Variants in ADCY2 observed in about 807,000 individuals in gnomAD.
ADCY2 encodes adenylate cyclase type 2.
In ADCY2, 31 loss-of-function variants were observed where a neutral mutation model predicts 125.2. The ratio of observed to expected loss-of-function variants is 0.25; its 90% CI spans 0.19 to 0.33. The LOEUF (loss-of-function observed/expected upper bound fraction) is 0.33. ADCY2 is among the 10% of genes least tolerant of loss of function. The pLI, the probability that ADCY2 is intolerant of heterozygous loss-of-function variation, is 1.00. For synonymous variants in ADCY2, 512 were observed against 548.4 expected (o/e 0.93, Z 0.93); for missense variants, 904 against 1,418.2 (o/e 0.64, Z 5.82).
intron 11 of ADCY2, among the ~76,000 whole-genome samples, chr5:7,716,478 C>T (rs997414888): frequency 2.6e-5 from 4 of 152,110 alleles, no homozygotes; most frequent in Non-Finnish European, 5.9e-5. Context: ...TCTCAAACAC[C>T]GAGTATATAT....
chr5:7,501,649 C>A (rs564259832), intron 2 of ADCY2, among the ~76,000 whole-genome samples: 1 of 74,650 alleles, frequency 1.3e-5, no homozygotes, highest in Non-Finnish European at 3.3e-5. Flanking sequence ...TCCCCCCTCC[C>A]CCCCCCCCCG....
intron 2 of ADCY2, among the ~76,000 whole-genome samples, chr5:7,482,751 T>C (rs1425916592): frequency 7.8e-6 from 1 of 127,928 alleles, no homozygotes; most frequent in Non-Finnish European, 1.7e-5. Flanking sequence ...AGCTGATGAA[T>C]GGATAAAGAA....
At chr5:7,581,538 G>A (rs2126612623) in intron 3 of ADCY2, among the ~76,000 whole-genome samples, 1 of 152,110 alleles carries the variant, frequency 6.6e-6, no homozygotes, top group South Asian at 2.1e-4. Context: ...AAAGAGAAAC[G>A]GCCAGGTGCG....
At chr5:7,693,711 C>T (rs1212156615) in intron 5 of ADCY2, among the ~76,000 whole-genome samples, 3 of 152,210 alleles carry the variant, frequency 2.0e-5, no homozygotes, top group Admixed American at 2.0e-4. Flanking sequence ...GCGTGAGCCA[C>T]CACGCCCGGC....
At chr5:7,534,268 C>T (rs906842360) in intron 3 of ADCY2, among the ~76,000 whole-genome samples, 4 of 152,204 alleles carry the variant, frequency 2.6e-5, no homozygotes, top group Non-Finnish European at 4.4e-5. Context: ...CACACCCATG[C>T]TGGTGGCTGA....
At position 7,535,937 on chromosome 5, in the gene ADCY2, G is replaced by A. The variant is rs147781818; in HGVS notation, c.570+15038G>A. 1.4e-3 allele frequency among the ~76,000 whole-genome samples: 217 copies of A among 152,336 alleles called. 3 individuals carry two copies. The highest frequency in any genetic ancestry group is 4.7e-3 in the African/African-American group (197 of 41,572). ...CTAACTTTAGCTATTTAACCAGTCAGAGAAGGTCGCCATTTTGATTTCCTA... is the reference window on the plus strand; with the variant it reads ...CTAACTTTAGCTATTTAACCAGTCAAAGAAGGTCGCCATTTTGATTTCCTA... On this transcript the variant is annotated intron_variant, in intron 3 of 24. Coordinates refer to ENST00000338316, the MANE Select transcript of ADCY2 (RefSeq NM_020546.3).
chr5:7,418,685 T>C (rs529600370), intron 2 of ADCY2, among the ~76,000 whole-genome samples: 3 of 125,806 alleles, frequency 2.4e-5, no homozygotes, highest in African/African-American at 9.4e-5. Context: ...AGACTGAATC[T>C]CACTCTGTCA....
rs990442446 is a variant in ADCY2 at position 7,802,882 on chromosome 5, C to T, written c.2775+518C>T. Among the ~76,000 whole-genome samples the T allele has an allele frequency of 1.3e-5, 2 of 152,178 alleles. No homozygotes were observed. Among genetic ancestry groups the T allele is most frequent in the African/African-American group, 2.4e-5 (1 of 41,442 alleles). The stretch of plus-strand genomic sequence containing the variant: ...ATAGATGTTATTTTTCAACTTTCTA[C>T]ATAGAGAATAGTGTGTTCTATTTCC... On this transcript the variant is annotated intron_variant, in intron 21 of 24. Transcript: ENST00000338316. The surrounding 1 kb of genome is among the most constrained non-coding windows in gnomAD (Gnocchi z 4.6).
Position 7,396,471 on chromosome 5 carries a change from C to G in ADCY2, c.175C>G (p.Leu59Val), listed in dbSNP as rs1739043222. 2 of 1,570,382 alleles carry G rather than the reference C, an allele frequency of 1.3e-6. No homozygotes were observed. The highest frequency in any genetic ancestry group is 5.0e-5 in the East Asian group (2 of 39,840). Residue 59 changes from leucine to valine, a missense_variant, in exon 1 of 25, where the codon CTC becomes GTC. By Grantham distance (32) the Leu-to-Val change is conservative. Transcript: ENST00000338316. This position sits in a 1 kb window ranked among gnomAD's most constrained non-coding sequence, Gnocchi z 5.7. ...FLLLIVMGSC[L>V]ALLAVFFALG... ...GCTGCTCATCGTCATGGGCTCCTGC[C>G]TCGCCCTGCTCGCCGTCTTCTTCGC...
At chr5:7,649,727 C>G (rs1739017789) in intron 4 of ADCY2, among the ~76,000 whole-genome samples, 1 of 152,182 alleles carries the variant, frequency 6.6e-6, no homozygotes, top group Non-Finnish European at 1.5e-5. Context: ...CCCCTGAAAT[C>G]CAGACTCAAA....
intron 15 of ADCY2, 100 bp downstream of exon 15, chr5:7,743,852 C>T: frequency 8.9e-7 from 1 of 1,123,614 alleles, no homozygotes; most frequent in Non-Finnish European, 1.3e-6. Context: ...TATTGCTTTA[C>T]CACTTCAAGA....
Position 7,520,856 on chromosome 5 carries a change from G to A in ADCY2, c.527G>A (p.Cys176Tyr), listed in dbSNP as rs1243580113. 6.2e-7 allele frequency: 1 copy of A among 1,614,182 alleles called. No homozygotes were observed. The highest frequency in any genetic ancestry group is 1.7e-5 in the Admixed American group (1 of 60,024). Reference sequence around the variant, plus strand: ...TCCCACACCATCGTGCTTAGCGTCTGCCTGTCTGCAACACCGGGAGGCAAG... The same window carrying A: ...TCCCACACCATCGTGCTTAGCGTCTACCTGTCTGCAACACCGGGAGGCAAG... Reference protein sequence around the residue: ...SSSHTIVLSVCLSATPGGKEH... With the variant: ...SSSHTIVLSVYLSATPGGKEH... The change falls in exon 3 of 25, where the codon TGC (cysteine) becomes TAC (tyrosine). Residue 176 changes from cysteine to tyrosine, a missense_variant. Physicochemically the swap from Cys to Tyr is radical, Grantham distance 194 (BLOSUM62 -2). Transcript: ENST00000338316.
chr5:7,559,087 A>G (rs555814327), intron 3 of ADCY2, among the ~76,000 whole-genome samples: 1 of 152,246 alleles, frequency 6.6e-6, no homozygotes, highest in Admixed American at 6.5e-5. Flanking sequence ...GCCCTGTAGT[A>G]TAGCTTGAAG....
intron 2 of ADCY2, among the ~76,000 whole-genome samples, chr5:7,465,550 G>A (rs1442576568): frequency 6.6e-6 from 1 of 152,190 alleles, no homozygotes; most frequent in Admixed American, 6.5e-5. Flanking sequence ...CTGCAGAGCA[G>A]GTACAAGGTG....
chr5:7,591,974 G>A (rs59156515), intron 3 of ADCY2, among the ~76,000 whole-genome samples: 1,589 of 152,258 alleles, frequency 0.01, 30 homozygotes, highest in African/African-American at 0.036. Context: ...ATTTGTAGAA[G>A]TTACATATTT....
rs73050126 is a variant in ADCY2, at chr5:7,613,206, G to T, written c.571-12961G>T. 7.9e-3 allele frequency among the ~76,000 whole-genome samples: 1,201 copies of T among 152,028 alleles called. 18 individuals are homozygous for T. The highest frequency in any genetic ancestry group is 0.027 in the African/African-American group (1,131 of 41,440). ...CAAGAGCTGTTAACTCATAAGCTGAGCTCTGAGACAGGCACACTGGAGAAG... is the reference window on the plus strand; with the variant it reads ...CAAGAGCTGTTAACTCATAAGCTGATCTCTGAGACAGGCACACTGGAGAAG... On this transcript the variant is annotated intron_variant, in intron 3 of 24. Coordinates refer to ENST00000338316, the MANE Select transcript of ADCY2 (RefSeq NM_020546.3).
At chr5:7,458,913 C>T (rs1377800485) in intron 2 of ADCY2, among the ~76,000 whole-genome samples, 2 of 152,184 alleles carry the variant, frequency 1.3e-5, no homozygotes, top group Admixed American at 1.3e-4. Context: ...AGGATGGCTG[C>T]TCACGGGACT....
At chr5:7,450,269 T>C (rs10475370) in intron 2 of ADCY2, among the ~76,000 whole-genome samples, 13,380 of 152,194 alleles carry the variant, frequency 0.088, 1,007 homozygotes, top group African/African-American at 0.21. Context: ...TTCTTGAAGG[T>C]AATTAAAAAT....
chr5:7,451,006 C>T (rs1049799914), intron 2 of ADCY2, among the ~76,000 whole-genome samples: 4 of 152,194 alleles, frequency 2.6e-5, no homozygotes, highest in Admixed American at 2.6e-4. Context: ...TTACTTCTCA[C>T]TGACAATAAG....
Sources: gnomAD v4.1 joint callset for allele counts (sites outside exome capture counted in the v4.1 genomes callset) on GRCh38, gnomAD v4.1.1 for gene constraint, Gnocchi (gnomAD v3.1) non-coding constraint, MANE v1.5 for transcripts, NCBI Gene and HGNC (gene_info 2026-07-23, HGNC 2026-07-21) for gene names.